ADRA1B: variants seen among roughly 807,000 people sequenced by gnomAD.
ADRA1B encodes the protein adrenoceptor alpha 1B, also known as alpha-1B adrenergic receptor.
ADRA1B carries 17 observed loss-of-function variants against 17.9 expected under a neutral mutation model. The observed-to-expected ratio is 0.95, with a 90% CI of 0.65 to 1.42. ADRA1B has a LOEUF of 1.42. ADRA1B is among the 40% of genes most tolerant of loss of function. The pLI, the probability that ADRA1B is intolerant of heterozygous loss-of-function variation, is 0.00. For missense variants in ADRA1B, 681 were observed against 722.1 expected (o/e 0.94, Z 0.65); for synonymous variants, 366 against 327.6 (o/e 1.12, Z -1.27).
intron 1 of ADRA1B, among the ~76,000 whole-genome samples, chr5:159,939,278 AGT>A (rs70987981): frequency 0.24 from 23,705 of 96,810 alleles, 2,694 homozygotes; most frequent in African/African-American, 0.25. Context: ...AGAGAGAGAG[AGT>A]GTGTGTGTGT....
chr5:159,951,186 C>G, intron 1 of ADRA1B: 3 of 765,972 alleles, frequency 3.9e-6, no homozygotes, highest in Non-Finnish European at 4.7e-6. Flanking sequence ...CCAGCCTTCT[C>G]CATGGTGAAA....
At chr5:159,870,915 G>T (rs1753730781) in intron 1 of ADRA1B, 1 of 152,220 alleles carries the variant, frequency 6.6e-6, no homozygotes, top group South Asian at 2.1e-4. Context: ...TGTTGCTTCA[G>T]CTGAATTCGT....
At chr5:159,866,493 A>G (rs563254242) in intron 1 of ADRA1B, among the ~76,000 whole-genome samples, 57 of 151,894 alleles carry the variant, frequency 3.8e-4, no homozygotes, top group African/African-American at 1.3e-3. Context: ...AGGCTGAGGC[A>G]GGAGAATCAC....
At chr5:159,893,922 G>A (rs1409565788) in intron 1 of ADRA1B, among the ~76,000 whole-genome samples, 1 of 152,182 alleles carries the variant, frequency 6.6e-6, no homozygotes, top group East Asian at 1.9e-4. Flanking sequence ...GGCCTGGATT[G>A]GAAAGGCCTC....
intron 1 of ADRA1B, among the ~76,000 whole-genome samples, chr5:159,881,309 C>CTCTG (rs1753860570): frequency 6.9e-6 from 1 of 144,428 alleles, no homozygotes; most frequent in Admixed American, 6.9e-5. Flanking sequence ...TTCTCTCTCT[C>CTCTG]TCTCTCTCTC....
chr5:159,962,925 C>CT (rs1483443790), intron 1 of ADRA1B, among the ~76,000 whole-genome samples: 1 of 73,608 alleles, frequency 1.4e-5, no homozygotes, highest in African/African-American at 5.5e-5. Flanking sequence ...CTTTCTTTTT[C>CT]TTTTCTTTTC....
intron 1 of ADRA1B, among the ~76,000 whole-genome samples, chr5:159,963,986 C>T (rs1755727046): frequency 6.6e-6 from 1 of 152,050 alleles, no homozygotes. Context: ...CACCACCCCA[C>T]CCCGGAAAAA....
chr5:159,869,026 AT>A (rs1180916203), intron 1 of ADRA1B: 9 of 152,244 alleles, frequency 5.9e-5, no homozygotes, highest in African/African-American at 9.6e-5. Context: ...GAAGCCTCAA[AT>A]CAAAAAGGCA....
intron 1 of ADRA1B, among the ~76,000 whole-genome samples, chr5:159,865,586 C>T (rs945390148): frequency 5.9e-5 from 9 of 152,332 alleles, no homozygotes; most frequent in African/African-American, 2.2e-4. Context: ...ATCACAACTG[C>T]ATTGCATTTT....
chr5:159,885,209 T>C (rs529198981), intron 1 of ADRA1B, among the ~76,000 whole-genome samples: 1 of 152,174 alleles, frequency 6.6e-6, no homozygotes, highest in Non-Finnish European at 1.5e-5. Context: ...ATAACAGTAA[T>C]AATAAAAATA....
At chr5:159,907,955 TCACACACACA>T (rs371637793) in intron 1 of ADRA1B, among the ~76,000 whole-genome samples, 10 of 146,932 alleles carry the variant, frequency 6.8e-5, no homozygotes, top group Non-Finnish European at 1.1e-4. Flanking sequence ...TCTCTCTCTG[TCACACACACA>T]CACACACACA....
At chr5:159,952,017 A>G (rs532077817) in intron 1 of ADRA1B, among the ~76,000 whole-genome samples, 65 of 152,260 alleles carry the variant, frequency 4.3e-4, no homozygotes, top group Admixed American at 3.8e-3. Flanking sequence ...CTAAATTATT[A>G]CAGTTTCTCC....
intron 1 of ADRA1B, among the ~76,000 whole-genome samples, chr5:159,960,999 T>A (rs1360497489): frequency 6.6e-6 from 1 of 152,232 alleles, no homozygotes; most frequent in East Asian, 1.9e-4. Context: ...AATATAGACC[T>A]AAGCAATTGT....
chr5:159,950,499 C>A, intron 1 of ADRA1B: 1 of 1,501,500 alleles, frequency 6.7e-7, no homozygotes, highest in South Asian at 1.1e-5. Flanking sequence ...GGTGTTACTC[C>A]TTGGAGGCTA....
chr5:159,971,364 A>G (rs1755861671), intron 1 of ADRA1B, among the ~76,000 whole-genome samples: 1 of 152,110 alleles, frequency 6.6e-6, no homozygotes. Flanking sequence ...TCACCCCTAG[A>G]TCAAAAAAAT....
chr5:159,976,035 T>C (rs1581076949), downstream of ADRA1B, among the ~76,000 whole-genome samples: 1 of 152,168 alleles, frequency 6.6e-6, no homozygotes. Flanking sequence ...CTGTGTGACA[T>C]TGGGCAAGTT....
upstream of ADRA1B, among the ~76,000 whole-genome samples, chr5:159,913,212 G>A (rs73817242): frequency 6.4e-3 from 969 of 152,302 alleles, 14 homozygotes; most frequent in African/African-American, 0.022. Flanking sequence ...TTCCACAAGC[G>A]TCGAGTGAGT....
intron 1 of ADRA1B, among the ~76,000 whole-genome samples, chr5:159,932,634 A>C (rs1479384572): frequency 6.6e-6 from 1 of 152,174 alleles, no homozygotes; most frequent in Non-Finnish European, 1.5e-5. Flanking sequence ...CCTTGGCCCC[A>C]GTCATCCAAT....
intron 1 of ADRA1B, among the ~76,000 whole-genome samples, chr5:159,889,624 G>A (rs569401925): frequency 3.3e-5 from 5 of 152,160 alleles, no homozygotes; most frequent in Non-Finnish European, 5.9e-5. Flanking sequence ...ATCCAGGTTC[G>A]AAGGACCATA....
Sources: gnomAD v4.1 joint callset for allele counts (sites outside exome capture counted in the v4.1 genomes callset) on GRCh38, gnomAD v4.1.1 for gene constraint, MANE v1.5 for transcripts, NCBI Gene and HGNC (gene_info 2026-07-23, HGNC 2026-07-21) for gene names.